The following ANXA8 variants were observed in gnomAD, a reference collection of about 807,000 sequenced individuals.
The protein encoded by ANXA8 is VAC-beta.
Under a neutral mutation model 26.8 loss-of-function variants are expected in ANXA8, and 9 were observed. The observed-to-expected ratio is 0.34, with a 90% CI of 0.20 to 0.59. The LOEUF is 0.59. Ranked by LOEUF, ANXA8 falls within the 20% of genes least tolerant of loss-of-function variation. ANXA8 has a pLI of 0.84. For synonymous variants in ANXA8, 39 were observed against 94.8 expected, an observed-to-expected ratio of 0.41 and a Z score of 3.42; for missense variants, 83 against 238.5, an observed-to-expected ratio of 0.35 and a Z score of 4.29.
the ANXA8 span, among the ~76,000 whole-genome samples, chr10:47,554,871 TCTTA>T: frequency 2.0e-5 from 3 of 152,014 alleles, no homozygotes; most frequent in Admixed American, 1.3e-4. Flanking sequence ...ACACTAGGCC[TCTTA>T]CTTCTTGGAG....
At chr10:47,650,148 T>C in the ANXA8 span, among the ~76,000 whole-genome samples, 1 of 146,178 alleles carries the variant, frequency 6.8e-6, no homozygotes, top group African/African-American at 2.6e-5. Context: ...GTGGAGGTTG[T>C]AGTGAGCTGA....
At chr10:47,564,950 T>A in the ANXA8 span, 1 of 1,415,744 alleles carries the variant, frequency 7.1e-7, no homozygotes, top group Non-Finnish European at 1.0e-6. Flanking sequence ...GTCCATCGAG[T>A]TCGTCGATAA....
At chr10:47,901,139 A>G in the ANXA8 span, among the ~76,000 whole-genome samples, 183 of 140,946 alleles carry the variant, frequency 1.3e-3, no homozygotes, top group African/African-American at 4.9e-3. Flanking sequence ...CAAAAAATAC[A>G]CCTTTTCAAG....
the ANXA8 span, among the ~76,000 whole-genome samples, chr10:47,955,226 T>C: frequency 6.7e-6 from 1 of 150,104 alleles, no homozygotes; most frequent in African/African-American, 2.5e-5. Flanking sequence ...CCTCCCGCCG[T>C]GATTGTGAGG....
the ANXA8 span, among the ~76,000 whole-genome samples, chr10:47,617,704 A>G: frequency 6.7e-6 from 1 of 148,946 alleles, no homozygotes; most frequent in Non-Finnish European, 1.5e-5. Context: ...ACTGAGATTG[A>G]GTCTAGGTTT....
chr10:47,707,175 C>CA, the ANXA8 span, among the ~76,000 whole-genome samples: 11,752 of 133,782 alleles, frequency 0.088, 970 homozygotes, highest in African/African-American at 0.22. Flanking sequence ...CTCAAAAAAA[C>CA]AAAAAAAAAC....
chr10:47,489,864 G>A, the ANXA8 span, among the ~76,000 whole-genome samples: 2,854 of 144,358 alleles, frequency 0.02, 129 homozygotes, highest in African/African-American at 0.071. Context: ...GGGCTCTGGG[G>A]TGCCACCCCC....
chr10:47,777,776 G>C, the ANXA8 span, among the ~76,000 whole-genome samples: 1 of 151,854 alleles, frequency 6.6e-6, no homozygotes, highest in Non-Finnish European at 1.5e-5. Flanking sequence ...CCCTCTTAGG[G>C]CTATACAGCT....
chr10:47,702,703 G>C, the ANXA8 span, among the ~76,000 whole-genome samples: 2 of 151,620 alleles, frequency 1.3e-5, no homozygotes, highest in Admixed American at 1.3e-4. Context: ...GTGCGATCTC[G>C]GCTTACTCCA....
At chr10:47,559,419 C>T in the ANXA8 span, among the ~76,000 whole-genome samples, 1 of 151,816 alleles carries the variant, frequency 6.6e-6, no homozygotes, top group African/African-American at 2.4e-5. Context: ...TGAGCCACCA[C>T]ATCCAGCCTC....
At chr10:47,767,759 G>T in the ANXA8 span, among the ~76,000 whole-genome samples, 1 of 151,688 alleles carries the variant, frequency 6.6e-6, no homozygotes, top group Non-Finnish European at 1.5e-5. Flanking sequence ...TTTATGGGAT[G>T]TACTGGGGAA....
At chr10:47,942,769 C>G in the ANXA8 span, among the ~76,000 whole-genome samples, 1 of 144,558 alleles carries the variant, frequency 6.9e-6, no homozygotes, top group Non-Finnish European at 1.5e-5. Flanking sequence ...CCTGTTCACT[C>G]CAGGTGTTAT....
At chr10:47,495,994 C>T in the ANXA8 span, among the ~76,000 whole-genome samples, 4 of 151,430 alleles carry the variant, frequency 2.6e-5, 1 homozygote, top group East Asian at 3.9e-4. Flanking sequence ...CCAAGAGAGG[C>T]GGGAACACTT....
the ANXA8 span, among the ~76,000 whole-genome samples, chr10:47,769,828 T>G: frequency 1.3e-5 from 2 of 152,296 alleles, no homozygotes; most frequent in South Asian, 4.1e-4. Context: ...TGCATTAGAC[T>G]GTTTATATTG....
chr10:47,698,204 T>G, the ANXA8 span, among the ~76,000 whole-genome samples: 1 of 147,654 alleles, frequency 6.8e-6, no homozygotes, highest in South Asian at 2.1e-4. Context: ...ATGTTAAGTT[T>G]TAGATATCTT....
the ANXA8 span, among the ~76,000 whole-genome samples, chr10:47,605,913 T>G: frequency 7.9e-6 from 1 of 126,808 alleles, no homozygotes; most frequent in Non-Finnish European, 1.6e-5. Context: ...TGAACAAAAA[T>G]GACTTACTAG....
the ANXA8 span, among the ~76,000 whole-genome samples, chr10:47,659,161 G>T: frequency 6.6e-6 from 1 of 151,820 alleles, no homozygotes; most frequent in Non-Finnish European, 1.5e-5. Flanking sequence ...GTGAACCACT[G>T]CACCCGGCTG....
chr10:47,558,453 A>G, the ANXA8 span, among the ~76,000 whole-genome samples: 1 of 151,566 alleles, frequency 6.6e-6, no homozygotes, highest in Non-Finnish European at 1.5e-5. Context: ...CTTCATTCCT[A>G]CTAGCACAGT....
At chr10:47,948,220 T>C in the ANXA8 span, among the ~76,000 whole-genome samples, 31 of 133,746 alleles carry the variant, frequency 2.3e-4, no homozygotes. Flanking sequence ...AAGGTATAAT[T>C]AACAATGTTT....
Sources: allele counts gnomAD v4.1 joint callset (sites outside exome capture counted in the v4.1 genomes callset), GRCh38; gene constraint gnomAD v4.1.1; transcripts MANE v1.5; gene names NCBI Gene and HGNC (gene_info 2026-07-23, HGNC 2026-07-21).